SLC60A1: variants seen among roughly 807,000 people sequenced by gnomAD.
SLC60A1 encodes solute carrier family 60 member 1, also known as major facilitator superfamily domain containing 4.
the SLC60A1 span, among the ~76,000 whole-genome samples, chr1:205,596,392 T>C: frequency 2.0e-5 from 3 of 151,220 alleles, no homozygotes; most frequent in Non-Finnish European, 4.4e-5. Flanking sequence ...ACCTAAAAGA[T>C]CAATGGGAAC....
chr1:205,600,543 G>T, the SLC60A1 span: 1 of 1,419,928 alleles, frequency 7.0e-7, no homozygotes, highest in Non-Finnish European at 9.9e-7. Flanking sequence ...CTGGGTGGTG[G>T]TGGAGGCGCT....
the SLC60A1 span, chr1:205,584,885 A>G: frequency 1.9e-6 from 3 of 1,613,978 alleles, no homozygotes; most frequent in Non-Finnish European, 2.5e-6. Flanking sequence ...GGGCATGAGG[A>G]CCTGTTCAGC....
At chr1:205,584,354 G>A in the SLC60A1 span, among the ~76,000 whole-genome samples, 9 of 150,780 alleles carry the variant, frequency 6.0e-5, no homozygotes, top group African/African-American at 2.0e-4. Flanking sequence ...CCCAAGTTGC[G>A]GGGATTACAG....
chr1:205,582,872 G>A, the SLC60A1 span, among the ~76,000 whole-genome samples: 6,949 of 152,252 alleles, frequency 0.046, 522 homozygotes, highest in African/African-American at 0.16. Flanking sequence ...GGAAATACTG[G>A]TGAGAGCCAG....
chr1:205,589,361 A>G, the SLC60A1 span, among the ~76,000 whole-genome samples: 2 of 152,224 alleles, frequency 1.3e-5, no homozygotes, highest in African/African-American at 2.4e-5. Context: ...GATCGGGAGC[A>G]GAAAAAGATG....
chr1:205,584,518 C>G, the SLC60A1 span, among the ~76,000 whole-genome samples: 1 of 148,922 alleles, frequency 6.7e-6, no homozygotes. Flanking sequence ...GCCACCATGC[C>G]TGGCCACAGG....
At chr1:205,600,392 T>C in the SLC60A1 span, 18 of 1,613,562 alleles carry the variant, frequency 1.1e-5, no homozygotes, top group Non-Finnish European at 1.4e-5. Context: ...ACCTGTTTTG[T>C]TTTTCTTTTG....
the SLC60A1 span, chr1:205,602,180 A>C: frequency 3.9e-5 from 6 of 152,422 alleles, no homozygotes; most frequent in Admixed American, 1.3e-4. Flanking sequence ...ACAAATGTAC[A>C]TGTATAAATA....
chr1:205,580,833 G>T, the SLC60A1 span: 3 of 1,614,158 alleles, frequency 1.9e-6, no homozygotes, highest in South Asian at 2.2e-5. The surrounding 1 kb of genome is among the most constrained non-coding windows in gnomAD (Gnocchi z 5.0). Context: ...GCCAAGCCTT[G>T]GTCCAACCAG....
the SLC60A1 span, among the ~76,000 whole-genome samples, chr1:205,594,591 G>A: frequency 1.3e-5 from 2 of 151,616 alleles, no homozygotes; most frequent in Non-Finnish European, 2.9e-5. Flanking sequence ...AGGAGGTGGA[G>A]GTTGCAGCGA....
the SLC60A1 span, chr1:205,579,612 C>A: frequency 2.1e-6 from 2 of 935,626 alleles, no homozygotes; most frequent in Non-Finnish European, 3.3e-6. Context: ...AATAAGTGAG[C>A]AGCTTCTTCC....
At chr1:205,573,908 G>C in the SLC60A1 span, among the ~76,000 whole-genome samples, 1 of 151,826 alleles carries the variant, frequency 6.6e-6, no homozygotes, top group African/African-American at 2.4e-5. Flanking sequence ...TGTTGGCCAG[G>C]CTGCCCTCGA....
the SLC60A1 span, among the ~76,000 whole-genome samples, chr1:205,578,062 A>G: frequency 4.6e-5 from 7 of 152,200 alleles, no homozygotes; most frequent in Admixed American, 4.6e-4. Flanking sequence ...TTGCTGCAGG[A>G]TGGATGACTT....
the SLC60A1 span, chr1:205,592,292 G>A: frequency 6.2e-7 from 1 of 1,605,904 alleles, no homozygotes; most frequent in African/African-American, 1.3e-5. Context: ...ACAAAGGTGA[G>A]GGCCGGGCCC....
chr1:205,579,920 T>C, the SLC60A1 span: 1 of 1,613,858 alleles, frequency 6.2e-7, no homozygotes, highest in South Asian at 1.1e-5. Context: ...GGTAAGGATG[T>C]ACCAGAAGGA....
chr1:205,588,945 C>A, the SLC60A1 span, among the ~76,000 whole-genome samples: 1 of 152,168 alleles, frequency 6.6e-6, no homozygotes, highest in Non-Finnish European at 1.5e-5. Flanking sequence ...CAGTACCAGA[C>A]TGAGTCACTG....
chr1:205,586,950 G>A, the SLC60A1 span, among the ~76,000 whole-genome samples: 3 of 152,028 alleles, frequency 2.0e-5, no homozygotes, highest in Non-Finnish European at 2.9e-5. Flanking sequence ...CACCCGCCTC[G>A]GCCTCCCAAA....
At chr1:205,586,341 A>G in the SLC60A1 span, 4 of 1,105,056 alleles carry the variant, frequency 3.6e-6, no homozygotes, top group South Asian at 4.2e-5. Flanking sequence ...GAGGGAAGAG[A>G]GGAGAGAGAG....
At chr1:205,598,886 G>A in the SLC60A1 span, 2 of 535,902 alleles carry the variant, frequency 3.7e-6, no homozygotes, top group Non-Finnish European at 3.3e-6. Flanking sequence ...AGAACACAGA[G>A]CTGCAAGGGA....
Sources: allele counts gnomAD v4.1 joint callset (sites outside exome capture counted in the v4.1 genomes callset), GRCh38; gene constraint gnomAD v4.1.1; non-coding constraint Gnocchi (gnomAD v3.1); transcripts MANE v1.5; gene names NCBI Gene and HGNC (gene_info 2026-07-23, HGNC 2026-07-21).